The following ZNF407 variants were observed in gnomAD, a reference collection of about 807,000 sequenced individuals.
ZNF407 encodes zinc finger protein 407.
Under a neutral mutation model 131.2 loss-of-function variants are expected in ZNF407, and 17 were observed. That is an observed-to-expected ratio of 0.13 (90% CI 0.09 to 0.19). ZNF407 has a LOEUF of 0.19. Among genes scored for constraint, ZNF407 ranks in the 10% least tolerant of loss-of-function variants. The probability of loss-of-function intolerance (pLI) is 1.00; values close to 1 mark genes in which losing one functional copy is unlikely to be tolerated. For missense variants in ZNF407, 2,681 were observed against 2,830.6 expected, an observed-to-expected ratio of 0.95 and a Z score of 1.20; for synonymous variants, 1,156 against 1,062.0, an observed-to-expected ratio of 1.09 and a Z score of -1.72.
At chr18:74,710,699 C>A (rs1288332652) in intron 3 of ZNF407, among the ~76,000 whole-genome samples, 5 of 151,914 alleles carry the variant, frequency 3.3e-5, no homozygotes, top group Non-Finnish European at 7.4e-5. Context: ...AATAAGAATG[C>A]TTTTTTTTCT....
chr18:74,831,097 G>T (rs1970476306), intron 4 of ZNF407, among the ~76,000 whole-genome samples: 1 of 152,118 alleles, frequency 6.6e-6, no homozygotes, highest in Non-Finnish European at 1.5e-5. Flanking sequence ...AAAATGATAG[G>T]ATTTCATTCT....
intron 3 of ZNF407, among the ~76,000 whole-genome samples, chr18:74,696,072 G>A (rs548619021): frequency 4.6e-5 from 7 of 152,258 alleles, no homozygotes; most frequent in African/African-American, 7.2e-5. Context: ...TGACTTACAC[G>A]ACTTTACAGT....
chr18:74,835,771 A>G (rs1460297782), intron 4 of ZNF407, among the ~76,000 whole-genome samples: 1 of 152,084 alleles, frequency 6.6e-6, no homozygotes, highest in Non-Finnish European at 1.5e-5. Flanking sequence ...ATCTGGTGCT[A>G]AGAACAGTGC....
At chr18:74,738,981 C>T (rs946668125) in intron 3 of ZNF407, among the ~76,000 whole-genome samples, 2 of 151,930 alleles carry the variant, frequency 1.3e-5, no homozygotes, top group African/African-American at 4.8e-5. Context: ...ATAAGTGGCT[C>T]CAGATACCAG....
chr18:74,901,367 A>C (rs564426660), intron 7 of ZNF407, among the ~76,000 whole-genome samples: 2 of 152,320 alleles, frequency 1.3e-5, no homozygotes, highest in South Asian at 4.1e-4. Flanking sequence ...AAATTGAGAT[A>C]GTTCTGTTTT....
intron 4 of ZNF407, among the ~76,000 whole-genome samples, chr18:74,862,318 T>C (rs1278528840): frequency 6.6e-6 from 1 of 152,228 alleles, no homozygotes; most frequent in African/African-American, 2.4e-5. Context: ...GGATCGAGTG[T>C]GGCACACACA....
chr18:74,852,507 G>A (rs1366688204), intron 4 of ZNF407, among the ~76,000 whole-genome samples: 1 of 151,910 alleles, frequency 6.6e-6, no homozygotes, highest in Admixed American at 6.6e-5. Context: ...ATTAAATATA[G>A]TAGCATTATT....
chr18:74,849,795 A>T (rs886680786), intron 4 of ZNF407, among the ~76,000 whole-genome samples: 1 of 152,194 alleles, frequency 6.6e-6, no homozygotes, highest in South Asian at 2.1e-4. Flanking sequence ...AGATAATAAG[A>T]TTGAAATCTC....
chr18:74,748,205 T>G (rs1240804346), intron 3 of ZNF407, among the ~76,000 whole-genome samples: 2 of 152,066 alleles, frequency 1.3e-5, no homozygotes, highest in African/African-American at 2.4e-5. Flanking sequence ...ATAATAAAAA[T>G]TATGATCAAT....
intron 1 of ZNF407, among the ~76,000 whole-genome samples, chr18:74,611,499 C>T (rs1322317287): frequency 2.0e-5 from 3 of 152,168 alleles, no homozygotes; most frequent in Non-Finnish European, 4.4e-5. Context: ...TGCAAAAATG[C>T]TCAACTTCAT....
At position 74,755,885 on chromosome 18, in the gene ZNF407, C is replaced by CTTTTTTTTTTT. The variant is rs34750560; in HGVS notation, c.4803-25527_4803-25517dup. ...CCTTCCTTCCTTCCTCTTTTCCTTCCTTTTTTTTTTTTTTTTTTTTTTTTT... is the reference window on the plus strand; with the variant it reads ...CCTTCCTTCCTTCCTCTTTTCCTTCCTTTTTTTTTTTTTTTTTTTTTTTTTTTTTTTTTTTT... On this transcript the variant is annotated intron_variant, in intron 3 of 8. Transcript: ENST00000299687. Among the ~76,000 whole-genome samples, 7 of 25,834 alleles carry CTTTTTTTTTTT rather than the reference C, an allele frequency of 2.7e-4. 2 individuals carry two copies. The highest frequency in any genetic ancestry group is 1.2e-3 in the African/African-American group (6 of 5,002). The allele number at this position is 25,834 out of a possible 152,430, so 16.9% of individuals were successfully genotyped here. A position where few individuals can be genotyped will look rare whatever the true frequency, so the allele number is the denominator to read the frequency against.
chr18:74,676,311 C>T (rs1568160988), intron 3 of ZNF407, among the ~76,000 whole-genome samples: 1 of 152,060 alleles, frequency 6.6e-6, no homozygotes. Flanking sequence ...AGGCTGGTCT[C>T]AAACTCCTGA....
chr18:74,926,416 G>A (rs192886706), intron 8 of ZNF407, among the ~76,000 whole-genome samples: 12 of 152,290 alleles, frequency 7.9e-5, no homozygotes, highest in Admixed American at 4.6e-4. Context: ...ACTGTTTACT[G>A]AGAAGCAGAT....
chr18:74,953,538 C>CCCTTGT (rs1356522374), intron 8 of ZNF407, among the ~76,000 whole-genome samples: 1 of 152,132 alleles, frequency 6.6e-6, no homozygotes, highest in African/African-American at 2.4e-5. Flanking sequence ...TATTACATTT[C>CCCTTGT]ATTCCTGATA....
At chr18:74,937,464 A>T (rs1281665916) in intron 8 of ZNF407, among the ~76,000 whole-genome samples, 1 of 152,152 alleles carries the variant, frequency 6.6e-6, no homozygotes, top group East Asian at 1.9e-4. Context: ...CTATTATGCT[A>T]CTGTTTTATG....
At chr18:74,798,087 T>G (rs1732834794) in intron 4 of ZNF407, among the ~76,000 whole-genome samples, 1 of 152,072 alleles carries the variant, frequency 6.6e-6, no homozygotes, top group South Asian at 2.1e-4. Flanking sequence ...CAATCTGTGT[T>G]CTTATTTTTC....
At chr18:74,762,922 T>A in intron 3 of ZNF407, among the ~76,000 whole-genome samples, 1 of 152,152 alleles carries the variant, frequency 6.6e-6, no homozygotes, top group East Asian at 1.9e-4. Flanking sequence ...AAACAAGTTT[T>A]GTATGGCCAT....
At chr18:74,656,164 A>G (rs1985446791) in intron 3 of ZNF407, among the ~76,000 whole-genome samples, 1 of 152,150 alleles carries the variant, frequency 6.6e-6, no homozygotes, top group African/African-American at 2.4e-5. Flanking sequence ...TTACTCACAC[A>G]TTTGTTAAAG....
At chr18:74,851,861 T>C (rs1970788487) in intron 4 of ZNF407, among the ~76,000 whole-genome samples, 1 of 152,208 alleles carries the variant, frequency 6.6e-6, no homozygotes, top group Admixed American at 6.5e-5. Flanking sequence ...AATGTTCGGC[T>C]TGTACAGGTT....
Sources: gnomAD v4.1 joint callset for allele counts (sites outside exome capture counted in the v4.1 genomes callset) on GRCh38, gnomAD v4.1.1 for gene constraint, MANE v1.5 for transcripts, NCBI Gene and HGNC (gene_info 2026-07-23, HGNC 2026-07-21) for gene names.